UHRF2: variants seen among roughly 807,000 people sequenced by gnomAD.
UHRF2 encodes the protein E3 ubiquitin-protein ligase UHRF2.
UHRF2 carries 23 observed loss-of-function variants against 96.8 expected under a neutral mutation model. The ratio of observed to expected loss-of-function variants is 0.24; its 90% CI spans 0.17 to 0.34. The LOEUF is 0.34. Among genes scored for constraint, UHRF2 ranks in the 10% least tolerant of loss-of-function variants. UHRF2 has a pLI of 1.00. For missense variants in UHRF2, 685 were observed against 981.5 expected, an observed-to-expected ratio of 0.70 and a Z score of 4.04; for synonymous variants, 385 against 332.6, an observed-to-expected ratio of 1.16 and a Z score of -1.72.
At chr9:6,481,117 A>G (rs1823901224) in intron 6 of UHRF2, among the ~76,000 whole-genome samples, 1 of 152,216 alleles carries the variant, frequency 6.6e-6, no homozygotes, top group Admixed American at 6.5e-5. Context: ...GTAATCAATT[A>G]CAAATAGGCT....
intron 4 of UHRF2, among the ~76,000 whole-genome samples, chr9:6,461,733 C>T (rs1244253115): frequency 2.0e-5 from 3 of 151,958 alleles, no homozygotes; most frequent in Non-Finnish European, 4.4e-5. Flanking sequence ...AAGTACTAGG[C>T]GTTATTTGAG....
chr9:6,418,958 C>T (rs1396994690), intron 1 of UHRF2, among the ~76,000 whole-genome samples: 1 of 152,158 alleles, frequency 6.6e-6, no homozygotes, highest in Non-Finnish European at 1.5e-5. Context: ...ATATTAGGTA[C>T]ATCACTCCAG....
intron 4 of UHRF2, among the ~76,000 whole-genome samples, chr9:6,470,745 A>T (rs957852660): frequency 3.9e-5 from 6 of 152,216 alleles, no homozygotes; most frequent in African/African-American, 1.4e-4. Flanking sequence ...AAAGTAGATT[A>T]TATCAGGTTT....
chr9:6,482,039 T>G lies in UHRF2; in HGVS notation c.1332T>G (p.Ser444=), dbSNP rs1304044830. 1.2e-6 allele frequency: 2 copies of G among 1,614,154 alleles called. No individual in the cohort carries two copies. The highest frequency in any genetic ancestry group is 4.5e-5 in the East Asian group (2 of 44,872). Residue 444 remains serine (S), a synonymous_variant, in exon 8 of 16, where the codon TCT becomes TCG. Transcript: ENST00000276893. ...GRTRECTIVP[S]NHYGPIPGIP... ...CGAGAGAATGTACTATTGTCCCTTC[T>G]AATCATTATGGACCCATTCCTGGTA...
At chr9:6,414,675 T>G (rs1177912005) in intron 1 of UHRF2, among the ~76,000 whole-genome samples, 1 of 152,220 alleles carries the variant, frequency 6.6e-6, no homozygotes, top group African/African-American at 2.4e-5. Flanking sequence ...TAAGTGTAGC[T>G]CTTTGATTTG....
intron 12 of UHRF2, 194 bp downstream of exon 12, chr9:6,498,352 CA>C (rs1355778210): frequency 1.2e-5 from 6 of 507,478 alleles, no homozygotes; most frequent in African/African-American, 9.9e-5. Flanking sequence ...GCCCTGGGAC[CA>C]AGGGTTGTGC....
chr9:6,467,166 C>G (rs1481322832), intron 4 of UHRF2, among the ~76,000 whole-genome samples: 2 of 152,148 alleles, frequency 1.3e-5, no homozygotes, highest in Non-Finnish European at 2.9e-5. Flanking sequence ...TTTGTAGACT[C>G]TAAGGGAGAA....
chr9:6,425,986 G>T (rs938692178), intron 2 of UHRF2, among the ~76,000 whole-genome samples: 4 of 152,128 alleles, frequency 2.6e-5, no homozygotes, highest in Non-Finnish European at 5.9e-5. Flanking sequence ...TGCTGCTTTT[G>T]AATTGATTGT....
chr9:6,492,332 G>C, intron 9 of UHRF2: 1 of 1,245,254 alleles, frequency 8.0e-7, no homozygotes, highest in Non-Finnish European at 1.0e-6. Context: ...GAATATTGTG[G>C]AGTCTGTCCA....
chr9:6,414,978 G>A (rs143316194), intron 1 of UHRF2, among the ~76,000 whole-genome samples: 48 of 152,258 alleles, frequency 3.2e-4, no homozygotes, highest in Non-Finnish European at 1.9e-4. Flanking sequence ...ACATAGATTT[G>A]CTTTGCTGTG....
intron 9 of UHRF2, among the ~76,000 whole-genome samples, chr9:6,487,497 G>A (rs966976854): frequency 6.6e-6 from 1 of 152,152 alleles, no homozygotes; most frequent in African/African-American, 2.4e-5. Context: ...CTCCTGAGTA[G>A]CTGGGATTAC....
At chr9:6,428,767 T>A (rs1820407038) in intron 2 of UHRF2, among the ~76,000 whole-genome samples, 1 of 152,104 alleles carries the variant, frequency 6.6e-6, no homozygotes, top group African/African-American at 2.4e-5. Context: ...CAGGCTGGTC[T>A]TGAACTCCTG....
intron 13 of UHRF2, 137 bp downstream of exon 13, chr9:6,500,068 G>T (rs868382920): frequency 3.2e-6 from 2 of 626,394 alleles, no homozygotes; most frequent in Middle Eastern, 4.6e-4. Flanking sequence ...GACCTCCTGG[G>T]CTCAAGCGAT....
intron 1 of UHRF2, among the ~76,000 whole-genome samples, chr9:6,417,334 G>C (rs1819666305): frequency 6.6e-6 from 1 of 152,080 alleles, no homozygotes; most frequent in Admixed American, 6.5e-5. Flanking sequence ...CTCCATCTTC[G>C]AGTATGGCAG....
chr9:6,478,748 C>T (rs1318586031), intron 6 of UHRF2, among the ~76,000 whole-genome samples: 1 of 152,104 alleles, frequency 6.6e-6, no homozygotes, highest in Non-Finnish European at 1.5e-5. Flanking sequence ...TAGATTGTTC[C>T]TTTGATCTCT....
At chr9:6,467,354 G>A (rs886816138) in intron 4 of UHRF2, among the ~76,000 whole-genome samples, 2 of 152,034 alleles carry the variant, frequency 1.3e-5, no homozygotes, top group Non-Finnish European at 2.9e-5. Context: ...TTGGATCTGC[G>A]TGGATAATCT....
At chr9:6,414,788 A>G (rs1819495467) in intron 1 of UHRF2, among the ~76,000 whole-genome samples, 1 of 152,238 alleles carries the variant, frequency 6.6e-6, no homozygotes, top group Admixed American at 6.5e-5. Flanking sequence ...GTAACAAATT[A>G]CACTTTGGGA....
intron 4 of UHRF2, chr9:6,468,714 T>C (rs191888219): frequency 4.2e-4 from 192 of 455,852 alleles, no homozygotes; most frequent in African/African-American, 3.5e-3. Context: ...TAGTAAAAAG[T>C]GGCATTTTCA....
In UHRF2 at chr9:6,413,595, G is replaced by A. The variant is rs1466168473; in HGVS notation, c.105G>A (p.Leu35=). The change falls in exon 1 of 16, where the codon CTG becomes CTA. Residue 35 remains leucine (L), a synonymous_variant. Coordinates refer to ENST00000276893, the MANE Select transcript of UHRF2 (RefSeq NM_152896.3). The stretch of plus-strand genomic sequence containing the variant: ...AGCTGCGCGAGCGGGTGTGGGCGCT[G>A]TTCGACGTGCGGCCCGAATGCCAGC... ...IEELRERVWA[L]FDVRPECQRL... 1.9e-6 allele frequency: 3 copies of A among 1,601,786 alleles called. No homozygotes were observed. The highest frequency in any genetic ancestry group is 2.6e-6 in the Non-Finnish European group (3 of 1,174,802).
Sources: gnomAD v4.1 joint callset for allele counts (sites outside exome capture counted in the v4.1 genomes callset) on GRCh38, gnomAD v4.1.1 for gene constraint, MANE v1.5 for transcripts, NCBI Gene and HGNC (gene_info 2026-07-23, HGNC 2026-07-21) for gene names.